MYMX: variants seen among roughly 807,000 people sequenced by gnomAD.
MYMX encodes the protein myomixer, myoblast fusion factor.
At chr6:44,201,918 C>G in the MYMX span, among the ~76,000 whole-genome samples, 1 of 152,202 alleles carries the variant, frequency 6.6e-6, no homozygotes, top group Non-Finnish European at 1.5e-5. Context: ...GAGAGAGGGT[C>G]CCAGAGCCAG....
chr6:44,217,094 G>T, intron 1 of MYMX, 126 bp downstream of exon 1: 1 of 204,202 alleles, frequency 4.9e-6, no homozygotes, highest in East Asian at 1.1e-4. Context: ...GCTAGACTGA[G>T]GGAGAAGGGT....
Position 44,217,773 on chromosome 6 carries a change from G to A in MYMX, c.*47G>A. 2.5e-6 allele frequency: 1 copy of A among 400,934 alleles called. No individual in the cohort carries two copies. 24.8% of individuals were successfully genotyped at this position (400,934 alleles called of 1,614,324 possible). On this transcript the variant is annotated 3_prime_UTR_variant, in exon 2 of 2. Transcript: ENST00000573382. ...CTGTATCCACAAAATGCTTTCTTTTGGAGTAGGATAATCCTGGCACCAGCA... is the reference window on the plus strand; with the variant it reads ...CTGTATCCACAAAATGCTTTCTTTTAGAGTAGGATAATCCTGGCACCAGCA...
the MYMX span, among the ~76,000 whole-genome samples, chr6:44,195,294 C>G: frequency 2.0e-5 from 3 of 152,140 alleles, no homozygotes; most frequent in African/African-American, 4.8e-5. Flanking sequence ...GCTGGGATTA[C>G]AGGCACAAGC....
upstream of MYMX, among the ~76,000 whole-genome samples, chr6:44,212,860 CA>C (rs138470528): frequency 2.0e-3 from 166 of 84,020 alleles, no homozygotes; most frequent in East Asian, 7.6e-3. Context: ...CTTGTCTCTC[CA>C]AAAAAAAAAA....
chr6:44,202,014 A>C, the MYMX span, among the ~76,000 whole-genome samples: 1 of 152,188 alleles, frequency 6.6e-6, no homozygotes, highest in African/African-American at 2.4e-5. Flanking sequence ...AATGCAAGTC[A>C]TGCGGAGGCA....
At chr6:44,207,809 G>A in the MYMX span, among the ~76,000 whole-genome samples, 29 of 152,130 alleles carry the variant, frequency 1.9e-4, no homozygotes, top group Non-Finnish European at 2.8e-4. Context: ...GGGATTACAG[G>A]CATGAGCCAC....
the MYMX span, among the ~76,000 whole-genome samples, chr6:44,204,687 A>G: frequency 1.3e-5 from 2 of 151,758 alleles, no homozygotes; most frequent in African/African-American, 4.8e-5. Context: ...TTTATTCACC[A>G]CCCATTTCCT....
the MYMX span, among the ~76,000 whole-genome samples, chr6:44,207,167 CT>C: frequency 1.1e-4 from 17 of 148,500 alleles, no homozygotes; most frequent in South Asian, 2.1e-4. Context: ...AAGGTCTTTA[CT>C]TTTTTTTTTT....
At chr6:44,207,114 A>G in the MYMX span, among the ~76,000 whole-genome samples, 1 of 152,042 alleles carries the variant, frequency 6.6e-6, no homozygotes, top group Admixed American at 6.6e-5. Flanking sequence ...GCAAACCAAG[A>G]TTTCATTTTC....
rs1211491280 is a variant in MYMX at position 44,217,502 on chromosome 6, C to T, written c.31C>T (p.Arg11Ter). Residue 11 changes from arginine (R) to a stop codon, truncating the protein, a stop_gained, in exon 2 of 2, where the codon CGA (arginine) becomes TGA (stop). Coordinates refer to ENST00000573382, the MANE Select transcript of MYMX (RefSeq NM_001315494.2). LOFTEE classifies it high-confidence loss of function. ...CACGCCACTGCTCCCGCTGCTGCTT[C>T]GATTGCTGCTGTCCTGCCTGCTGCT... Reference protein sequence around the residue: MPTPLLPLLLRLLLSCLLLPA... With the variant: MPTPLLPLLL 2.5e-5 allele frequency: 10 copies of T among 404,738 alleles called. No homozygotes were observed. The highest frequency in any genetic ancestry group is 4.4e-5 in the Non-Finnish European group (10 of 229,450). 25.1% of individuals were successfully genotyped at this position (404,738 alleles called of 1,614,324 possible).
the MYMX span, among the ~76,000 whole-genome samples, chr6:44,201,303 GC>G: frequency 3.3e-5 from 5 of 152,118 alleles, no homozygotes; most frequent in Non-Finnish European, 7.4e-5. Flanking sequence ...CTAGAACTCC[GC>G]CCATTCCCCA....
upstream of MYMX, among the ~76,000 whole-genome samples, chr6:44,213,469 T>C (rs1202431458): frequency 7.0e-6 from 1 of 142,810 alleles, no homozygotes; most frequent in Admixed American, 6.7e-5. Context: ...TCACCCAGGC[T>C]GGAGTGCAAT....
chr6:44,208,159 A>G, the MYMX span, among the ~76,000 whole-genome samples: 1 of 151,626 alleles, frequency 6.6e-6, no homozygotes, highest in Non-Finnish European at 1.5e-5. Context: ...GCCTGGGAGG[A>G]TCGCTGGAGC....
At chr6:44,192,962 T>G in the MYMX span, among the ~76,000 whole-genome samples, 4 of 152,274 alleles carry the variant, frequency 2.6e-5, no homozygotes, top group Non-Finnish European at 4.4e-5. Flanking sequence ...CGCTTCCTAT[T>G]TTGAACTTCA....
chr6:44,202,826 T>G, the MYMX span, among the ~76,000 whole-genome samples: 1 of 152,166 alleles, frequency 6.6e-6, no homozygotes, highest in African/African-American at 2.4e-5. Context: ...CCCACCTCCC[T>G]GCCCAAACCC....
chr6:44,196,900 G>A, the MYMX span, among the ~76,000 whole-genome samples: 1 of 152,172 alleles, frequency 6.6e-6, no homozygotes, highest in Non-Finnish European at 1.5e-5. Context: ...GGAGGTTGCA[G>A]TGAGCTGAGA....
the MYMX span, among the ~76,000 whole-genome samples, chr6:44,198,225 C>G: frequency 7.4e-6 from 1 of 134,842 alleles, no homozygotes; most frequent in Non-Finnish European, 1.5e-5. Flanking sequence ...TGCAGTGGTG[C>G]GATCTCGGCT....
chr6:44,212,374 C>T (rs1775634820), upstream of MYMX, among the ~76,000 whole-genome samples: 1 of 151,604 alleles, frequency 6.6e-6, no homozygotes, highest in East Asian at 1.9e-4. Context: ...CACTGTGCTC[C>T]AGCCTGGGTG....
chr6:44,202,013 C>A, the MYMX span, among the ~76,000 whole-genome samples: 2 of 152,302 alleles, frequency 1.3e-5, no homozygotes, highest in African/African-American at 4.8e-5. Context: ...TAATGCAAGT[C>A]ATGCGGAGGC....
Sources: allele counts gnomAD v4.1 joint callset (sites outside exome capture counted in the v4.1 genomes callset), GRCh38; gene constraint gnomAD v4.1.1; transcripts MANE v1.5; gene names NCBI Gene and HGNC (gene_info 2026-07-23, HGNC 2026-07-21).